The following ARMH4 variants were observed in gnomAD, a reference collection of about 807,000 sequenced individuals.
The protein encoded by ARMH4 is armadillo like helical domain containing 4.
In ARMH4, 49 loss-of-function variants were observed where a neutral mutation model predicts 61.9. The observed-to-expected ratio is 0.79, with a 90% CI of 0.63 to 1.00. ARMH4 has a LOEUF of 1.00. Among genes scored for constraint, ARMH4 ranks in the 50% least tolerant of loss-of-function variants. The pLI, the probability that ARMH4 is intolerant of heterozygous loss-of-function variation, is 0.00. For missense variants in ARMH4, 934 were observed against 930.0 expected (o/e 1.00, Z -0.06); for synonymous variants, 368 against 341.5 (o/e 1.08, Z -0.85).
intron 4 of ARMH4, chr14:58,116,649 C>T (rs1886537293): frequency 6.4e-6 from 1 of 155,784 alleles, no homozygotes; most frequent in South Asian, 1.9e-4. Context: ...GTACTTTAGC[C>T]TAAACAATAG....
chr14:58,099,375 C>A (rs1885876882), intron 4 of ARMH4, among the ~76,000 whole-genome samples: 1 of 152,120 alleles, frequency 6.6e-6, no homozygotes. Context: ...GAGTAACCAC[C>A]AGGGTGGGAG....
chr14:58,009,246 A>C (rs1417675378), intron 6 of ARMH4, among the ~76,000 whole-genome samples: 1 of 152,202 alleles, frequency 6.6e-6, no homozygotes, highest in African/African-American at 2.4e-5. Flanking sequence ...ACGTTCTATA[A>C]AAGGGGAGCA....
chr14:58,122,123 G>C (rs2141306691), intron 4 of ARMH4, among the ~76,000 whole-genome samples: 2 of 152,324 alleles, frequency 1.3e-5, no homozygotes, highest in South Asian at 4.1e-4. Flanking sequence ...TTAACACAGA[G>C]TGAACATTCA....
At chr14:58,140,827 C>T (rs1425392379) in intron 1 of ARMH4, among the ~76,000 whole-genome samples, 3 of 152,038 alleles carry the variant, frequency 2.0e-5, no homozygotes, top group Non-Finnish European at 2.9e-5. Context: ...CGCTTGAACC[C>T]GGGAGGCGGA....
intron 4 of ARMH4, among the ~76,000 whole-genome samples, chr14:58,107,669 C>G (rs1179259368): frequency 1.3e-5 from 2 of 149,192 alleles, no homozygotes; most frequent in Non-Finnish European, 2.9e-5. Context: ...GAGGCTGATG[C>G]AGGAGAATCG....
rs1172655387 is a variant in ARMH4 at position 58,133,240 on chromosome 14, TG to T, written c.1470del (p.Asp490GlufsTer72). The T allele has an allele frequency of 6.2e-7, 1 of 1,614,166 alleles. No individual in the cohort carries two copies. ...TCCTTTTCTTCCTCAGTCTTGCCACTGTCTCTGATAAGCTCGAGGGTAGCAA... is the reference window on the plus strand; with the variant it reads ...TCCTTTTCTTCCTCAGTCTTGCCACTTCTCTGATAAGCTCGAGGGTAGCAA... ...EQVATLELIR[D>X]SGKTEEEKED... On this transcript the variant is annotated frameshift_variant, in exon 3 of 8. Transcript: ENST00000267485. LOFTEE classifies it high-confidence loss of function.
At position 58,117,927 on chromosome 14, in the gene ARMH4, TAA is replaced by T. The variant is rs34021220; in HGVS notation, c.1831+13583_1831+13584del. Among the ~76,000 whole-genome samples the T allele has an allele frequency of 4.9e-4, 72 of 146,404 alleles. 1 individual carries two copies. The highest frequency in any genetic ancestry group is 1.1e-3 in the African/African-American group (44 of 39,590). On this transcript the variant is annotated intron_variant, in intron 4 of 7. Coordinates refer to ENST00000267485, the MANE Select transcript of ARMH4 (RefSeq NM_001001872.4). ...GTACATGCCACCACACCCAGCTAAT[TAA>T]AAAAAAAAAAAATTTATACAGGTGG...
intron 4 of ARMH4, among the ~76,000 whole-genome samples, chr14:58,118,032 G>A (rs951124510): frequency 2.0e-5 from 3 of 152,110 alleles, no homozygotes; most frequent in Non-Finnish European, 4.4e-5. Context: ...CCAAAGTGCT[G>A]GGAGAGAGCC....
chr14:58,111,317 TATC>T (rs1566585117), intron 4 of ARMH4, among the ~76,000 whole-genome samples: 1 of 152,068 alleles, frequency 6.6e-6, no homozygotes, highest in Non-Finnish European at 1.5e-5. Flanking sequence ...AAGAAAACCA[TATC>T]ATCATCTTAA....
intron 2 of ARMH4, 23 bp downstream of exon 2, chr14:58,137,967 G>GT (rs757961560): frequency 1.9e-6 from 3 of 1,565,178 alleles, no homozygotes; most frequent in Non-Finnish European, 8.6e-7. Context: ...ACCAAAGTTT[G>GT]TTTTTCTTTT....
intron 4 of ARMH4, among the ~76,000 whole-genome samples, chr14:58,115,296 C>T (rs1594765895): frequency 6.6e-6 from 1 of 152,196 alleles, no homozygotes; most frequent in East Asian, 1.9e-4. Flanking sequence ...TGAACAAATA[C>T]TTCTCAAAAG....
intron 4 of ARMH4, among the ~76,000 whole-genome samples, chr14:58,105,135 C>T (rs967784270): frequency 2.0e-5 from 3 of 152,156 alleles, no homozygotes; most frequent in African/African-American, 7.2e-5. Flanking sequence ...TGTAAACATT[C>T]AGCAAATAAA....
chr14:58,147,285 C>T (rs538802958), intron 1 of ARMH4, among the ~76,000 whole-genome samples: 1 of 151,552 alleles, frequency 6.6e-6, no homozygotes, highest in South Asian at 2.1e-4. Context: ...TAGGCTCTCT[C>T]CTCTCCAATC....
chr14:58,069,786 A>G (rs1884825069), intron 5 of ARMH4, among the ~76,000 whole-genome samples: 1 of 152,214 alleles, frequency 6.6e-6, no homozygotes, highest in African/African-American at 2.4e-5. Flanking sequence ...TTTAAATGGG[A>G]CCATGCTGTC....
intron 5 of ARMH4, among the ~76,000 whole-genome samples, chr14:58,090,855 G>A (rs1885533445): frequency 6.7e-6 from 1 of 148,430 alleles, no homozygotes; most frequent in African/African-American, 2.5e-5. Context: ...ACTCCACCCT[G>A]GGAGACAGAG....
At chr14:58,062,668 C>G (rs1294943770) in intron 5 of ARMH4, among the ~76,000 whole-genome samples, 1 of 152,210 alleles carries the variant, frequency 6.6e-6, no homozygotes, top group Non-Finnish European at 1.5e-5. Flanking sequence ...TTAATCCTGA[C>G]AGCAGCCCCC....
chr14:58,089,645 G>A (rs1192306183), intron 5 of ARMH4, among the ~76,000 whole-genome samples: 1 of 152,196 alleles, frequency 6.6e-6, no homozygotes, highest in African/African-American at 2.4e-5. Flanking sequence ...GTTCTACCCA[G>A]ATAGCAGTTC....
chr14:58,141,574 T>C (rs1007760640), intron 1 of ARMH4: 17 of 498,508 alleles, frequency 3.4e-5, no homozygotes, highest in Middle Eastern at 6.3e-4. Flanking sequence ...CTGCTGCAAG[T>C]GCTATGCTTG....
At chr14:58,123,241 C>A (rs996512773) in intron 4 of ARMH4, among the ~76,000 whole-genome samples, 2 of 152,108 alleles carry the variant, frequency 1.3e-5, no homozygotes, top group Admixed American at 1.3e-4. Context: ...GAAGGAACAC[C>A]CATTTGTTAT....
Sources: allele counts gnomAD v4.1 joint callset (sites outside exome capture counted in the v4.1 genomes callset), GRCh38; gene constraint gnomAD v4.1.1; transcripts MANE v1.5; gene names NCBI Gene and HGNC (gene_info 2026-07-23, HGNC 2026-07-21).